The following CACNA2D3 variants were observed in gnomAD, a reference collection of about 807,000 sequenced individuals.
The protein encoded by CACNA2D3 is calcium voltage-gated channel auxiliary subunit alpha2delta 3, also known as voltage-dependent calcium channel subunit alpha-2/delta-3.
In CACNA2D3, 60 loss-of-function variants were observed where a neutral mutation model predicts 160.6. The observed-to-expected ratio is 0.37, with a 90% CI of 0.30 to 0.46. The LOEUF is 0.46. Ranked by LOEUF, CACNA2D3 falls within the 20% of genes least tolerant of loss-of-function variation. CACNA2D3 has a pLI of 1.00. For synonymous variants in CACNA2D3, 558 were observed against 492.9 expected (o/e 1.13, Z -1.75); for missense variants, 1,205 against 1,365.0 (o/e 0.88, Z 1.85).
At chr3:54,794,292 C>G (rs9844434) in intron 13 of CACNA2D3, among the ~76,000 whole-genome samples, 43,897 of 151,938 alleles carry the variant, frequency 0.29, 6,671 homozygotes, top group African/African-American at 0.38. Flanking sequence ...CACAGTCTAC[C>G]TTACTTATAG....
chr3:54,384,401 TACAAAG>T (rs1311134950), intron 3 of CACNA2D3, among the ~76,000 whole-genome samples: 2 of 152,200 alleles, frequency 1.3e-5, no homozygotes, highest in Non-Finnish European at 2.9e-5. Context: ...CTAAATCTGT[TACAAAG>T]ATTAAGAGAA....
intron 35 of CACNA2D3, among the ~76,000 whole-genome samples, chr3:55,020,509 G>T (rs1009052357): frequency 7.3e-5 from 11 of 150,832 alleles, no homozygotes; most frequent in African/African-American, 2.7e-4. Flanking sequence ...ATAGTATGTA[G>T]AATGTCTAAT....
intron 27 of CACNA2D3, among the ~76,000 whole-genome samples, chr3:54,951,435 A>T (rs1012943257): frequency 1.3e-5 from 2 of 152,208 alleles, no homozygotes; most frequent in Non-Finnish European, 2.9e-5. Context: ...ACCATTAGGG[A>T]CATGGAACTG....
intron 26 of CACNA2D3, 41 bp from the exon 27 acceptor site, chr3:54,899,747 A>G: frequency 7.3e-7 from 1 of 1,372,650 alleles, no homozygotes; most frequent in Non-Finnish European, 1.0e-6. Context: ...TGTACACTGT[A>G]ATTATCTTCA....
intron 11 of CACNA2D3, among the ~76,000 whole-genome samples, chr3:54,722,583 G>T (rs1335348812): frequency 6.6e-6 from 1 of 152,156 alleles, no homozygotes; most frequent in African/African-American, 2.4e-5. Context: ...GTGACCTTCG[G>T]ATGGGGTCTT....
chr3:54,437,701 C>T (rs1286622414), intron 4 of CACNA2D3, among the ~76,000 whole-genome samples: 9 of 152,224 alleles, frequency 5.9e-5, no homozygotes, highest in African/African-American at 2.2e-4. Flanking sequence ...CCTGGGACCA[C>T]AAGGAAATTC....
At chr3:54,632,059 A>G (rs1309341010) in intron 10 of CACNA2D3, 1 of 152,192 alleles carries the variant, frequency 6.6e-6, no homozygotes, top group Non-Finnish European at 1.5e-5. Context: ...TATTATGGAA[A>G]ACACTTTCAT....
intron 15 of CACNA2D3, 28 bp from the exon 16 acceptor site, chr3:54,838,537 GTTA>G: frequency 6.4e-7 from 1 of 1,552,038 alleles, no homozygotes; most frequent in Non-Finnish European, 8.9e-7. Context: ...TTAACTTACT[GTTA>G]TTATAATTCA....
At chr3:54,328,493 G>C (rs1704169005) in intron 3 of CACNA2D3, among the ~76,000 whole-genome samples, 1 of 151,860 alleles carries the variant, frequency 6.6e-6, no homozygotes, top group African/African-American at 2.4e-5. Context: ...TGTTGGCCGG[G>C]CTGGTCTCGA....
intron 4 of CACNA2D3, among the ~76,000 whole-genome samples, chr3:54,459,313 T>C (rs1419636532): frequency 6.9e-6 from 1 of 144,350 alleles, no homozygotes; most frequent in Non-Finnish European, 1.5e-5. Flanking sequence ...GGTCAAATGG[T>C]ATTTCTAGTT....
intron 14 of CACNA2D3, among the ~76,000 whole-genome samples, chr3:54,833,528 G>T (rs1045571369): frequency 1.3e-5 from 2 of 151,966 alleles, no homozygotes; most frequent in Non-Finnish European, 2.9e-5. Flanking sequence ...CCCTAGCAAC[G>T]TGTTGGGGGA....
At chr3:54,595,720 A>G (rs1057379395) in intron 9 of CACNA2D3, among the ~76,000 whole-genome samples, 5 of 152,154 alleles carry the variant, frequency 3.3e-5, no homozygotes, top group African/African-American at 9.7e-5. Context: ...GGGTAGCACT[A>G]GTGAAACAGA....
chr3:54,792,532 A>G (rs184389818), intron 13 of CACNA2D3, among the ~76,000 whole-genome samples: 2 of 152,334 alleles, frequency 1.3e-5, no homozygotes, highest in Admixed American at 1.3e-4. Context: ...AAATGCTGTC[A>G]GGAATCTGCC....
At chr3:54,271,955 C>T (rs1276254654) in intron 2 of CACNA2D3, among the ~76,000 whole-genome samples, 1 of 152,228 alleles carries the variant, frequency 6.6e-6, no homozygotes, top group Non-Finnish European at 1.5e-5. Context: ...TTGGGCAATT[C>T]TTCAGGGAGT....
chr3:54,559,795 C>T (rs536740600), intron 5 of CACNA2D3, among the ~76,000 whole-genome samples: 3 of 152,136 alleles, frequency 2.0e-5, no homozygotes, highest in African/African-American at 4.8e-5. Flanking sequence ...TCTATGTGTC[C>T]ATGTGTTCTC....
chr3:54,475,809 T>TTGTGTGTGTGTGTGTGTGTGTGTGTGTG lies in CACNA2D3; in HGVS notation c.382-27682_382-27655dup, dbSNP rs3030044. On this transcript the variant is annotated intron_variant, in intron 4 of 37. Transcript: ENST00000474759. Reference sequence around the variant, plus strand: ...ATCCATCTTCTCACATGGTTACCATTTGTGTGTGTGTGTGTGTGTGTGTGT... The same window carrying TTGTGTGTGTGTGTGTGTGTGTGTGTGTG: ...ATCCATCTTCTCACATGGTTACCATTTGTGTGTGTGTGTGTGTGTGTGTGTGTGTGTGTGTGTGTGTGTGTGTGTGTGT... 1.4e-3 allele frequency among the ~76,000 whole-genome samples: 204 copies of TTGTGTGTGTGTGTGTGTGTGTGTGTGTG among 142,814 alleles called. 2 individuals carry two copies. The highest frequency in any genetic ancestry group is 2.5e-3 in the East Asian group (12 of 4,808). The allele number at this position is 142,814 out of a possible 152,430, so 93.7% of individuals were successfully genotyped here.
intron 4 of CACNA2D3, among the ~76,000 whole-genome samples, chr3:54,406,391 T>A (rs1699577167): frequency 6.6e-6 from 1 of 152,150 alleles, no homozygotes; most frequent in Admixed American, 6.5e-5. Context: ...TATATATATT[T>A]CAGATTGAAG....
intron 2 of CACNA2D3, among the ~76,000 whole-genome samples, chr3:54,260,007 T>C (rs967607260): frequency 2.6e-5 from 4 of 152,244 alleles, no homozygotes; most frequent in Non-Finnish European, 5.9e-5. Context: ...TCAGAATCTT[T>C]AGCCCTAACT....
intron 5 of CACNA2D3, among the ~76,000 whole-genome samples, chr3:54,539,500 A>G (rs1461650858): frequency 1.3e-5 from 2 of 152,006 alleles, no homozygotes; most frequent in African/African-American, 4.8e-5. Flanking sequence ...GCTTTGTGAC[A>G]TTTGTGTGGT....
Sources: gnomAD v4.1 joint callset for allele counts (sites outside exome capture counted in the v4.1 genomes callset) on GRCh38, gnomAD v4.1.1 for gene constraint, MANE v1.5 for transcripts, NCBI Gene and HGNC (gene_info 2026-07-23, HGNC 2026-07-21) for gene names.